The following DISC1 variants were observed in gnomAD, a reference collection of about 807,000 sequenced individuals.
The protein encoded by DISC1 is disrupted in schizophrenia 1 protein.
In DISC1, 57 loss-of-function variants were observed where a neutral mutation model predicts 84.5. The ratio of observed to expected loss-of-function variants is 0.67; its 90% CI spans 0.55 to 0.84. DISC1 has a LOEUF of 0.84. DISC1 is among the 40% of genes least tolerant of loss of function. DISC1 has a pLI of 0.00. For synonymous variants in DISC1, 411 were observed against 415.2 expected, an observed-to-expected ratio of 0.99 and a Z score of 0.12; for missense variants, 1,000 against 1,057.8, an observed-to-expected ratio of 0.95 and a Z score of 0.76.
intron 6 of DISC1, chr1:231,774,806 C>A: frequency 2.2e-6 from 1 of 454,686 alleles, no homozygotes; most frequent in Non-Finnish European, 4.4e-6. Context: ...GTAGAACCAG[C>A]TGGCTCAACA....
At chr1:232,027,793 CTGTGTGTGTGTGTGTG>C (rs35448234) in intron 12 of DISC1, among the ~76,000 whole-genome samples, 4 of 143,346 alleles carry the variant, frequency 2.8e-5, no homozygotes, top group African/African-American at 1.0e-4. Flanking sequence ...ACTTTATGGG[CTGTGTGTGTGTGTGTG>C]TGTGTGTGTG....
intron 8 of DISC1, among the ~76,000 whole-genome samples, chr1:231,803,422 T>G (rs9432007): frequency 0.12 from 18,252 of 152,160 alleles, 1,214 homozygotes; most frequent in East Asian, 0.27. Context: ...CAGAGTGACT[T>G]AGCTGGGTGG....
intron 3 of DISC1, among the ~76,000 whole-genome samples, chr1:231,719,494 T>C (rs7547963): frequency 0.034 from 5,192 of 152,342 alleles, 277 homozygotes; most frequent in African/African-American, 0.12. Context: ...AAAGTTCAAT[T>C]CTGCCATTTG....
chr1:231,767,538 C>A (rs1256526885), intron 5 of DISC1, among the ~76,000 whole-genome samples: 1 of 152,204 alleles, frequency 6.6e-6, no homozygotes, highest in East Asian at 1.9e-4. Context: ...CTCAAAGAAT[C>A]CTCCTGCCTC....
rs1222830691 is a variant in DISC1 at position 232,008,894 on chromosome 1, G to C, written c.2152G>C (p.Asp718His). Residue 718 changes from aspartate (D) to histidine (H), a missense_variant, in exon 11 of 13, where the codon GAT becomes CAT. By Grantham distance (81) the Asp-to-His change is moderately conservative. This residue lies in a region of DISC1 where 397 missense variants were observed against 377.5 expected (regional missense o/e 1.05). Coordinates refer to ENST00000439617, the MANE Select transcript of DISC1 (RefSeq NM_018662.3). ...AGCCAGGGGAAGCCTGTCTGTAGAA[G>C]ATGAGAGGCAGATGGATGACTTAGA... ...QEARGSLSVE[D>H]ERQMDDLEGA... 1 of 1,613,740 alleles carries C rather than the reference G, an allele frequency of 6.2e-7. No homozygotes were observed. Among genetic ancestry groups the C allele is most frequent in the African/African-American group, 1.3e-5 (1 of 74,906 alleles).
At chr1:231,661,073 C>T (rs1485029318) in intron 1 of DISC1, among the ~76,000 whole-genome samples, 1 of 152,130 alleles carries the variant, frequency 6.6e-6, no homozygotes, top group Non-Finnish European at 1.5e-5. Flanking sequence ...TATTGGCCCA[C>T]AATCTCTTCT....
chr1:231,812,678 C>G (rs1335546608), intron 8 of DISC1, among the ~76,000 whole-genome samples: 1 of 152,156 alleles, frequency 6.6e-6, no homozygotes, highest in Non-Finnish European at 1.5e-5. Context: ...ATATTCTTCT[C>G]CACACACATC....
chr1:232,009,580 G>A lies in DISC1; in HGVS notation c.2307+531G>A, dbSNP rs1013239055. 1 of 921,914 alleles carries A rather than the reference G, an allele frequency of 1.1e-6. No individual in the cohort carries two copies. Among genetic ancestry groups the A allele is most frequent in the South Asian group, 5.0e-5 (1 of 19,822 alleles). The allele number at this position is 921,914 out of a possible 1,614,324, so 57.1% of individuals were successfully genotyped here. On this transcript the variant is annotated intron_variant, in intron 11 of 12. Transcript: ENST00000439617. This position sits in a 1 kb window ranked among gnomAD's most constrained non-coding sequence, Gnocchi z 4.6. The stretch of plus-strand genomic sequence containing the variant: ...CCAGATCATAATGAATGTTTATAAT[G>A]TTCTTCTTTCATAAACACAACTAAA...
intron 1 of DISC1, among the ~76,000 whole-genome samples, chr1:231,664,944 A>G (rs2061889023): frequency 6.6e-6 from 1 of 152,182 alleles, no homozygotes; most frequent in African/African-American, 2.4e-5. Flanking sequence ...AATGCATAAA[A>G]TATATGTAGA....
Position 231,674,587 on chromosome 1 carries a change from C to T in DISC1, c.68-19239C>T, listed in dbSNP as rs75409020. Among the ~76,000 whole-genome samples the T allele has an allele frequency of 6.6e-5, 10 of 152,278 alleles. No homozygotes were observed. The East Asian group carries it at 7.7e-4, about 12-fold the overall frequency. On this transcript the variant is annotated intron_variant, in intron 1 of 12. Coordinates refer to ENST00000439617, the MANE Select transcript of DISC1 (RefSeq NM_018662.3). The stretch of plus-strand genomic sequence containing the variant: ...TCTCATCACCAGGCTAGGTGTGACC[C>T]GGGTGTGCAGCCTCAGCTTGGTGAT...
chr1:231,848,987 T>C (rs2083667195), intron 9 of DISC1, among the ~76,000 whole-genome samples: 1 of 152,252 alleles, frequency 6.6e-6, no homozygotes, highest in Admixed American at 6.5e-5. Flanking sequence ...GACAGTCTTT[T>C]GAAGTTCACT....
intron 9 of DISC1, among the ~76,000 whole-genome samples, chr1:231,925,076 G>T (rs11577637): frequency 6.6e-6 from 1 of 151,836 alleles, no homozygotes; most frequent in South Asian, 2.1e-4. Flanking sequence ...TCTGCACTTA[G>T]AGGTTCGTGT....
chr1:231,815,262 C>T (rs747625090), intron 8 of DISC1: 1 of 152,032 alleles, frequency 6.6e-6, no homozygotes, highest in African/African-American at 2.4e-5. Context: ...ATTTTGACAC[C>T]TGTGTTACGA....
In DISC1 at chr1:231,630,139, C is replaced by T. The variant is rs1375481510; in HGVS notation, c.67+3205C>T. 1.3e-5 allele frequency among the ~76,000 whole-genome samples: 2 copies of T among 152,056 alleles called. No individual in the cohort carries two copies. The highest frequency in any genetic ancestry group is 1.3e-4 in the Admixed American group (2 of 15,260). Reference sequence around the variant, plus strand: ...ACAGACAGGGTTTCACCATGTTGATCAGCATGGTCTCGATCTCCTGACCTT... The same window carrying T: ...ACAGACAGGGTTTCACCATGTTGATTAGCATGGTCTCGATCTCCTGACCTT... On this transcript the variant is annotated intron_variant, in intron 1 of 12. Transcript: ENST00000439617. The surrounding 1 kb of genome is among the most constrained non-coding windows in gnomAD (Gnocchi z 4.4).
At chr1:231,641,331 T>C (rs992148908) in intron 1 of DISC1, among the ~76,000 whole-genome samples, 1 of 152,078 alleles carries the variant, frequency 6.6e-6, no homozygotes, top group Non-Finnish European at 1.5e-5. Flanking sequence ...AGTGGGTTCG[T>C]GGTCTCGCTG....
At position 232,037,021 on chromosome 1, in the gene DISC1, GGA is replaced by G. The variant is rs1171606603; in HGVS notation, c.*199_*200del. 2.0e-6 allele frequency: 1 copy of G among 501,042 alleles called. No homozygotes were observed. Among genetic ancestry groups the G allele is most frequent in the Non-Finnish European group, 3.2e-6 (1 of 312,276 alleles). The allele number at this position is 501,042 out of a possible 1,614,324, so 31.0% of individuals were successfully genotyped here. On this transcript the variant is annotated 3_prime_UTR_variant, in exon 13 of 13. Coordinates refer to ENST00000439617, the MANE Select transcript of DISC1 (RefSeq NM_018662.3). ...CTGAGGAGTCTGCAATTTGGAATAT[GGA>G]GAGAGAGACTGATTTGCTGAATTTC...
chr1:231,783,712 G>A (rs1209524383), intron 6 of DISC1, among the ~76,000 whole-genome samples: 2 of 152,196 alleles, frequency 1.3e-5, no homozygotes, highest in Non-Finnish European at 2.9e-5. Flanking sequence ...GAGATGGCAC[G>A]GGGTGAGGGT....
chr1:231,784,988 G>A (rs1183401118), intron 6 of DISC1, among the ~76,000 whole-genome samples: 1 of 152,152 alleles, frequency 6.6e-6, no homozygotes, highest in Non-Finnish European at 1.5e-5. Flanking sequence ...ATCATCTGAA[G>A]TCTAGAGGAA....
At chr1:231,771,806 A>T (rs2076568914) in intron 6 of DISC1, 1 of 165,312 alleles carries the variant, frequency 6.0e-6, no homozygotes, top group Non-Finnish European at 1.2e-5. Flanking sequence ...CCCTTTATTT[A>T]TTTATTTATT....
Sources: allele counts gnomAD v4.1 joint callset (sites outside exome capture counted in the v4.1 genomes callset), GRCh38; gene constraint gnomAD v4.1.1; regional missense constraint gnomAD v4.1.1; non-coding constraint Gnocchi (gnomAD v3.1); transcripts MANE v1.5; gene names NCBI Gene and HGNC (gene_info 2026-07-23, HGNC 2026-07-21).